The following REL variants were observed in gnomAD, a reference collection of about 807,000 sequenced individuals.
REL encodes the protein REL proto-oncogene, NF-kB subunit, also known as proto-oncogene c-Rel.
A neutral mutation model predicts 45.9 loss-of-function variants in REL; 15 were observed. That is an observed-to-expected ratio of 0.33 (90% confidence interval 0.22 to 0.50). The LOEUF is 0.50. Ranked by LOEUF, REL falls within the 20% of genes least tolerant of loss-of-function variation. REL has a pLI of 0.98. For synonymous variants in REL, 239 were observed against 242.1 expected, an observed-to-expected ratio of 0.99 and a Z score of 0.12; for missense variants, 601 against 715.2, an observed-to-expected ratio of 0.84 and a Z score of 1.82.
rs935078376 is a variant in REL, at chr2:60,925,405, C to T, written c.*2870C>T. 2.6e-5 allele frequency: 5 copies of T among 189,800 alleles called. No homozygotes were observed. Among genetic ancestry groups the T allele is most frequent in the African/African-American group, 9.3e-5 (4 of 42,834 alleles). The allele number at this position is 189,800 out of a possible 1,614,324, so 11.8% of individuals were successfully genotyped here. A position where few individuals can be genotyped will look rare whatever the true frequency, so the allele number is the denominator to read the frequency against. ...CAGGAAGAAAAAAAAAGAAAGACCCCTGAGTACCATTAATATTCCTCAGAA... is the reference window on the plus strand; with the variant it reads ...CAGGAAGAAAAAAAAAGAAAGACCCTTGAGTACCATTAATATTCCTCAGAA... On this transcript the variant is annotated 3_prime_UTR_variant, in exon 10 of 10. Coordinates refer to ENST00000394479, the MANE Select transcript of REL (RefSeq NM_001291746.2).
intron 1 of REL, among the ~76,000 whole-genome samples, chr2:60,885,778 A>G (rs913212809): frequency 1.3e-5 from 2 of 152,222 alleles, no homozygotes; most frequent in African/African-American, 2.4e-5. Flanking sequence ...GACCTTTATG[A>G]GAGACATGCA....
chr2:60,882,271 A>AT (rs1295355837), intron 1 of REL, among the ~76,000 whole-genome samples: 27 of 152,340 alleles, frequency 1.8e-4, no homozygotes, highest in African/African-American at 6.3e-4. Flanking sequence ...CAAAGAGGTG[A>AT]TCCCCCTTGT....
In REL at chr2:60,916,895, A is replaced by G. The variant is rs758171764; in HGVS notation, c.413A>G (p.Asn138Ser). 2 of 1,612,588 alleles carry G rather than the reference A, an allele frequency of 1.2e-6. No individual in the cohort carries two copies. Among genetic ancestry groups the G allele is most frequent in the East Asian group, 2.2e-5 (1 of 44,832 alleles). The change falls in exon 5 of 10, where the codon AAT becomes AGT. Residue 138 changes from asparagine to serine, a missense_variant. Physicochemically the swap from Asn to Ser is conservative, Grantham distance 46 (BLOSUM62 1). Around this residue, in one of 4 missense-constraint regions of REL, gnomAD observed 241 missense variants for 347.0 expected, o/e 0.69. Transcript: ENST00000394479. Reference protein sequence around the residue: ...NPFNVPEKQLNDIEDCDLNVV... With the variant: ...NPFNVPEKQLSDIEDCDLNVV... ...TATTCAGTCCCTGAAAAACAGCTGA[A>G]TGATATTGAAGATTGTGACCTCAAT...
At position 60,931,607 on chromosome 2, in the gene REL, A is replaced by G. The variant is rs115444661; in HGVS notation, c.*9072A>G. 498 of 152,314 alleles carry G rather than the reference A, an allele frequency of 3.3e-3. 5 individuals carry two copies. The highest frequency in any genetic ancestry group is 0.011 in the African/African-American group (477 of 41,570). The allele number at this position is 152,314 out of a possible 1,614,324, so 9.4% of individuals were successfully genotyped here. Reference sequence around the variant, plus strand: ...TCTTGATAATAAATGGAAAAATTCTAAAACACTTGCTGAAATTTTGTTGCT... The same window carrying G: ...TCTTGATAATAAATGGAAAAATTCTGAAACACTTGCTGAAATTTTGTTGCT... On this transcript the variant is annotated 3_prime_UTR_variant, in exon 10 of 10. Transcript: ENST00000394479.
chr2:60,915,647 A>G (rs931171754), intron 4 of REL, among the ~76,000 whole-genome samples: 14 of 152,238 alleles, frequency 9.2e-5, no homozygotes, highest in African/African-American at 3.4e-4. Flanking sequence ...TAGTGTTTCA[A>G]AATTTAATAC....
rs2104006684 is a variant in REL at position 60,931,545 on chromosome 2, A to G, written c.*9010A>G. Reference sequence around the variant, plus strand: ...TGCTGTTTATTATACAGAATATTTTATTACATTTGCAATATCTTTGTATAT... The same window carrying G: ...TGCTGTTTATTATACAGAATATTTTGTTACATTTGCAATATCTTTGTATAT... On this transcript the variant is annotated 3_prime_UTR_variant, in exon 10 of 10. Coordinates refer to ENST00000394479, the MANE Select transcript of REL (RefSeq NM_001291746.2). The G allele has an allele frequency of 6.6e-6, 1 of 152,410 alleles. No homozygotes were observed. Among genetic ancestry groups the G allele is most frequent in the African/African-American group, 2.4e-5 (1 of 41,592 alleles). 9.4% of individuals were successfully genotyped at this position (152,410 alleles called of 1,614,324 possible).
Position 60,893,394 on chromosome 2 carries a change from A to ATG in REL, c.154-1001_154-1000dup, listed in dbSNP as rs1673269345. ...GATTTGGGTTATCTAAGTCTTTTAA[A>ATG]TGTTAAAATGGATGAGATGCTAATA... is the stretch of plus-strand genomic sequence containing the variant. On this transcript the variant is annotated intron_variant, in intron 2 of 9. Coordinates refer to ENST00000394479, the MANE Select transcript of REL (RefSeq NM_001291746.2). 1.3e-5 allele frequency among the ~76,000 whole-genome samples: 2 copies of ATG among 152,194 alleles called. 1 individual carries two copies. Among genetic ancestry groups the ATG allele is most frequent in the Non-Finnish European group, 2.9e-5 (2 of 68,018 alleles).
intron 3 of REL, among the ~76,000 whole-genome samples, chr2:60,895,327 A>G (rs540801799): frequency 4.7e-4 from 71 of 152,124 alleles, no homozygotes; most frequent in Non-Finnish European, 7.5e-4. Context: ...GACTGCAGGC[A>G]TGTACCACCA....
At position 60,922,149 on chromosome 2, in the gene REL, T is replaced by G; in HGVS notation, c.1378T>G (p.Ser460Ala). Residue 460 changes from serine to alanine, a missense_variant, in exon 10 of 10, where the codon TCT (serine) becomes GCT (alanine). By Grantham distance (99) the Ser-to-Ala change is moderately conservative (BLOSUM62 1). Coordinates refer to ENST00000394479, the MANE Select transcript of REL (RefSeq NM_001291746.2). Reference sequence around the variant, plus strand: ...TGGTATTTCTGATCCCAACATGCTGTCTAATTGTTCTGTGAATATGATGAC... The same window carrying G: ...TGGTATTTCTGATCCCAACATGCTGGCTAATTGTTCTGTGAATATGATGAC... Reference protein sequence around the residue: ...LYGISDPNMLSNCSVNMMTTS... With the variant: ...LYGISDPNMLANCSVNMMTTS... 1 of 1,614,108 alleles carries G rather than the reference T, an allele frequency of 6.2e-7. No homozygotes were observed. Among genetic ancestry groups the G allele is most frequent in the Non-Finnish European group, 8.5e-7 (1 of 1,180,016 alleles).
chr2:60,889,059 C>T (rs1673141454), intron 1 of REL, among the ~76,000 whole-genome samples: 1 of 152,180 alleles, frequency 6.6e-6, no homozygotes, highest in African/African-American at 2.4e-5. Flanking sequence ...GATTTCATCA[C>T]ACATAAAATG....
intron 4 of REL, among the ~76,000 whole-genome samples, chr2:60,909,243 TACTC>T (rs1366097216): frequency 2.0e-5 from 3 of 152,220 alleles, no homozygotes; most frequent in East Asian, 1.9e-4. Flanking sequence ...ACATAATAGA[TACTC>T]AATAAGTATG....
chr2:60,895,919 A>T (rs1673334672), intron 3 of REL, among the ~76,000 whole-genome samples: 1 of 152,254 alleles, frequency 6.6e-6, no homozygotes, highest in African/African-American at 2.4e-5. Context: ...GTACTCCTGT[A>T]CAGCCTTAAA....
chr2:60,916,993 G>C lies in REL; in HGVS notation c.511G>C (p.Val171Leu). ...TTTGACGACTGCTCTTCCTCCTGTT[G>C]TCTCGAACCCAATTTATGACAACCG... is the stretch of plus-strand genomic sequence containing the variant. ...GNLTTALPPVVSNPIYDNRAP... is the reference protein window; with the variant it reads ...GNLTTALPPVLSNPIYDNRAP... Residue 171 changes from valine (V) to leucine (L), a missense_variant, in exon 5 of 10, where the codon GTC becomes CTC. By Grantham distance (32) the Val-to-Leu change is conservative. Transcript: ENST00000394479. The C allele has an allele frequency of 1.2e-6, 2 of 1,612,862 alleles. No individual in the cohort carries two copies. The highest frequency in any genetic ancestry group is 1.1e-5 in the South Asian group (1 of 90,906).
Position 60,929,281 on chromosome 2 carries a change from G to C in REL, c.*6746G>C, listed in dbSNP as rs1674336685. 6.8e-6 allele frequency: 1 copy of C among 147,062 alleles called. No homozygotes were observed. Among genetic ancestry groups the C allele is most frequent in the African/African-American group, 2.5e-5 (1 of 39,226 alleles). 9.1% of individuals were successfully genotyped at this position (147,062 alleles called of 1,614,324 possible). A position where few individuals can be genotyped will look rare whatever the true frequency, so the allele number is the denominator to read the frequency against. On this transcript the variant is annotated 3_prime_UTR_variant, in exon 10 of 10. Coordinates refer to ENST00000394479, the MANE Select transcript of REL (RefSeq NM_001291746.2). ...AGTGTGGCGATTCCTCAGGGATGTAGAACTGGAAATACCGTTTGACCCAGC... is the reference window on the plus strand; with the variant it reads ...AGTGTGGCGATTCCTCAGGGATGTACAACTGGAAATACCGTTTGACCCAGC...
In REL at chr2:60,928,800, CAACAA is replaced by C. The variant is rs1674325632; in HGVS notation, c.*6268_*6272del. The stretch of plus-strand genomic sequence containing the variant: ...ATGTCTAAAACACCAAAAGCAATGG[CAACAA>C]AAGCCAAAATTGACAAATGGGATCT... On this transcript the variant is annotated 3_prime_UTR_variant, in exon 10 of 10. Transcript: ENST00000394479. 1 of 147,252 alleles carries C rather than the reference CAACAA, an allele frequency of 6.8e-6. No individual in the cohort carries two copies. Among genetic ancestry groups the C allele is most frequent in the Non-Finnish European group, 1.5e-5 (1 of 65,972 alleles). 9.1% of individuals were successfully genotyped at this position (147,252 alleles called of 1,614,324 possible).
intron 4 of REL, among the ~76,000 whole-genome samples, chr2:60,915,456 G>T (rs2103975525): frequency 6.6e-6 from 1 of 152,252 alleles, no homozygotes; most frequent in South Asian, 2.1e-4. Context: ...GTACAGATGT[G>T]TTTTTATGCA....
chr2:60,894,919 C>G (rs1673312300), intron 3 of REL, among the ~76,000 whole-genome samples: 1 of 146,076 alleles, frequency 6.8e-6, no homozygotes, highest in South Asian at 2.2e-4. Flanking sequence ...TGCAATGGCG[C>G]AATCTCGGCT....
chr2:60,899,999 A>G (rs1011101041), intron 3 of REL: 4 of 152,248 alleles, frequency 2.6e-5, no homozygotes, highest in Non-Finnish European at 4.4e-5. Context: ...TCAGGGCTCA[A>G]AAAGCAAATC....
At position 60,929,325 on chromosome 2, in the gene REL, A is replaced by G. The variant is rs1379351240; in HGVS notation, c.*6790A>G. The stretch of plus-strand genomic sequence containing the variant: ...ACCCAGCCATCCCATTACTGGGTAT[A>G]TACCCAAAGGACTATAAATCATGCT... On this transcript the variant is annotated 3_prime_UTR_variant, in exon 10 of 10. Coordinates refer to ENST00000394479, the MANE Select transcript of REL (RefSeq NM_001291746.2). 2 of 141,378 alleles carry G rather than the reference A, an allele frequency of 1.4e-5. No individual in the cohort carries two copies. Among genetic ancestry groups the G allele is most frequent in the African/African-American group, 2.7e-5 (1 of 37,274 alleles). The allele number at this position is 141,378 out of a possible 1,614,324, so 8.8% of individuals were successfully genotyped here.
Sources: gnomAD v4.1 joint callset for allele counts (sites outside exome capture counted in the v4.1 genomes callset) on GRCh38, gnomAD v4.1.1 for gene constraint, gnomAD v4.1.1 regional missense constraint, MANE v1.5 for transcripts, NCBI Gene and HGNC (gene_info 2026-07-23, HGNC 2026-07-21) for gene names.